Variants in FBRS observed in about 807,000 individuals in gnomAD.
The protein encoded by FBRS is probable fibrosin-1.
Under a neutral mutation model 86.1 loss-of-function variants are expected in FBRS, and 15 were observed. The observed-to-expected ratio is 0.17, with a 90% CI of 0.12 to 0.27. The LOEUF (loss-of-function observed/expected upper bound fraction) is 0.27. Ranked by LOEUF, FBRS falls within the 10% of genes least tolerant of loss-of-function variation. The pLI, the probability that FBRS is intolerant of heterozygous loss-of-function variation, is 1.00. For missense variants in FBRS, 1,367 were observed against 1,301.6 expected (o/e 1.05, Z -0.77); for synonymous variants, 666 against 575.8 (o/e 1.16, Z -2.24).
rs950949375 is a variant in FBRS, at chr16:30,662,626, G to A, written c.822G>A (p.Ser274=). The A allele has an allele frequency of 1.6e-5, 25 of 1,544,326 alleles. 1 individual carries two copies. In the Admixed American group the frequency reaches 1.8e-4, roughly 11 times the overall value. Residue 274 remains serine, a synonymous_variant, in exon 6 of 18, where the codon TCG becomes TCA. Transcript: ENST00000356166. ...AACTCTCCGTGGTCCCTAAAGTGTC[G>A]GGCCTGGAGCGGAGCCAAGAACAGC... ...EAKLSVVPKV[S]GLERSQEQPP...
rs369287343 is a variant in FBRS at position 30,664,287 on chromosome 16, C to G, written c.1128C>G (p.Ser376=). ...AQPPPSSSSS[S]SSSSSASSSS... ...CTCCCCCCTCATCATCCTCTTCGTC[C>G]TCCTCCTCCTCATCTGCCTCCTCCT... Residue 376 remains serine (S), a synonymous_variant, in exon 7 of 18, where the codon TCC becomes TCG. Coordinates refer to ENST00000356166, the MANE Select transcript of FBRS (RefSeq NM_001105079.3). The G allele has an allele frequency of 4.9e-5, 73 of 1,497,058 alleles. No individual in the cohort carries two copies. In the East Asian group the frequency reaches 6.5e-4, roughly 13 times the overall value. 92.7% of individuals were successfully genotyped at this position (1,497,058 alleles called of 1,614,324 possible).
In FBRS at chr16:30,659,600, G is replaced by T; in HGVS notation, c.82G>T (p.Asp28Tyr). The T allele has an allele frequency of 2.7e-6, 1 of 369,600 alleles. No homozygotes were observed. The highest frequency in any genetic ancestry group is 9.6e-5 in the South Asian group (1 of 10,440). The allele number at this position is 369,600 out of a possible 1,614,324, so 22.9% of individuals were successfully genotyped here. A position where few individuals can be genotyped will look rare whatever the true frequency, so the allele number is the denominator to read the frequency against. ...CCGACGGCGGCGCTGCTCGCGCCGA[G>T]ACCGAGACCGGGAGCAGCGGCGCCG... ...ERRRRRCSRR[D>Y]RDREQRRRRG... Residue 28 changes from aspartate to tyrosine, a missense_variant, in exon 1 of 18, where the codon GAC becomes TAC. Physicochemically the swap from Asp to Tyr is radical, Grantham distance 160. Coordinates refer to ENST00000356166, the MANE Select transcript of FBRS (RefSeq NM_001105079.3).
Position 30,668,801 on chromosome 16 carries a change from A to G in FBRS, c.2188A>G (p.Ser730Gly). The G allele has an allele frequency of 6.2e-7, 1 of 1,600,062 alleles. No homozygotes were observed. Among genetic ancestry groups the G allele is most frequent in the Non-Finnish European group, 8.5e-7 (1 of 1,178,560 alleles). ...CGGCGCCGTCTTTGCCCAGAAAGAA[A>G]GCCCAGGGGCCCCACCAGCCTTCGC... ...NSGAVFAQKE[S>G]PGAPPAFASP... Residue 730 changes from serine (S) to glycine (G), a missense_variant, in exon 17 of 18, where the codon AGC (serine) becomes GGC (glycine). Ser to Gly is a moderately conservative substitution (Grantham distance 56). Transcript: ENST00000356166.
At position 30,665,718 on chromosome 16, in the gene FBRS, A is replaced by AG. The variant is rs1176656941; in HGVS notation, c.1773+15dup. 3.8e-6 allele frequency: 6 copies of AG among 1,571,554 alleles called. No individual in the cohort carries two copies. Among genetic ancestry groups the AG allele is most frequent in the Non-Finnish European group, 5.2e-6 (6 of 1,158,100 alleles). On this transcript the variant is annotated intron_variant, in intron 11 of 17. Transcript: ENST00000356166. The surrounding 1 kb of genome is among the most constrained non-coding windows in gnomAD (Gnocchi z 4.1). The stretch of plus-strand genomic sequence containing the variant: ...AGAAGGGGACACAGGTGAGGGGGCC[A>AG]GGGCAGGTCCTGGGGGAGCTGGAAG...
At position 30,658,866 on chromosome 16, in the gene FBRS, G is replaced by T. The variant is rs2052417436; in HGVS notation, c.-653G>T. ...CAGACGCTGACAAATTGAGAACTGT[G>T]CCGTTGGGAGAACTGGGGCGAGTGG... is the stretch of plus-strand genomic sequence containing the variant. On this transcript the variant is annotated 5_prime_UTR_variant, in exon 1 of 18. Coordinates refer to ENST00000356166, the MANE Select transcript of FBRS (RefSeq NM_001105079.3). The T allele has an allele frequency of 6.6e-6, 1 of 152,240 alleles. No homozygotes were observed. Among genetic ancestry groups the T allele is most frequent in the Non-Finnish European group, 1.5e-5 (1 of 68,096 alleles). 9.4% of individuals were successfully genotyped at this position (152,240 alleles called of 1,614,324 possible). A position where few individuals can be genotyped will look rare whatever the true frequency, so the allele number is the denominator to read the frequency against.
intron 2 of FBRS, among the ~76,000 whole-genome samples, chr16:30,660,734 G>GTGGT (rs2151266014): frequency 6.6e-6 from 1 of 152,316 alleles, no homozygotes; most frequent in Admixed American, 6.5e-5. Flanking sequence ...CTTCCTCGAG[G>GTGGT]TGGTGGCAGT....
At chr16:30,666,463 C>G (rs767654760) in intron 11 of FBRS, 49 bp from the exon 12 acceptor site, 1 of 1,613,262 alleles carries the variant, frequency 6.2e-7, no homozygotes, top group Non-Finnish European at 8.5e-7. Context: ...GGCGCCTGGC[C>G]CAGGACTCGG....
In FBRS at chr16:30,659,495, G is replaced by A; in HGVS notation, c.-24G>A. 1 of 290,140 alleles carries A rather than the reference G, an allele frequency of 3.4e-6. No individual in the cohort carries two copies. The highest frequency in any genetic ancestry group is 2.2e-5 in the African/African-American group (1 of 44,924). 18.0% of individuals were successfully genotyped at this position (290,140 alleles called of 1,614,324 possible). A position where few individuals can be genotyped will look rare whatever the true frequency, so the allele number is the denominator to read the frequency against. The stretch of plus-strand genomic sequence containing the variant: ...GCCGCTTCGGGCCCCGCCGCCTCCG[G>A]ATGCGGCGCTGAGGGCGGTCGCCAT... On this transcript the variant is annotated 5_prime_UTR_variant, in exon 1 of 18. Transcript: ENST00000356166.
In FBRS at chr16:30,670,322, G is replaced by C. The variant is rs1299250770; in HGVS notation, c.*677G>C. 1 of 400,904 alleles carries C rather than the reference G, an allele frequency of 2.5e-6. No individual in the cohort carries two copies. Among genetic ancestry groups the C allele is most frequent in the Admixed American group, 3.0e-5 (1 of 33,768 alleles). 24.8% of individuals were successfully genotyped at this position (400,904 alleles called of 1,614,324 possible). Reference sequence around the variant, plus strand: ...GATGACCAACAGGGGGCAGGACCTGGGGACCTGGGCTGGAGGGAAGGGCAG... The same window carrying C: ...GATGACCAACAGGGGGCAGGACCTGCGGACCTGGGCTGGAGGGAAGGGCAG... On this transcript the variant is annotated 3_prime_UTR_variant, in exon 18 of 18. Transcript: ENST00000356166.
At position 30,664,918 on chromosome 16, in the gene FBRS, A is replaced by G. The variant is rs1169089093; in HGVS notation, c.1561A>G (p.Met521Val). The G allele has an allele frequency of 6.2e-7, 1 of 1,610,504 alleles. No homozygotes were observed. Among genetic ancestry groups the G allele is most frequent in the Non-Finnish European group, 8.5e-7 (1 of 1,178,224 alleles). ...PGLLPPHGPH[M>V]FEKYPGKMEG... ...CCTGCTGCCACCCCACGGCCCCCAC[A>G]TGGTGAGCTCCTCATTGGGCTGGCG... The change falls in exon 8 of 18, where the codon ATG becomes GTG. Residue 521 changes from methionine to valine, a missense_variant and splice_region_variant. Physicochemically the swap from Met to Val is conservative, Grantham distance 21. This residue lies in a region of FBRS where 659 missense variants were observed against 678.8 expected (regional missense o/e 0.97). Transcript: ENST00000356166.
rs150704991 is a variant in FBRS at position 30,662,139 on chromosome 16, C to T, written c.706-281C>T. On this transcript the variant is annotated intron_variant, in intron 4 of 17. Coordinates refer to ENST00000356166, the MANE Select transcript of FBRS (RefSeq NM_001105079.3). Reference sequence around the variant, plus strand: ...AGGCCTGTGGGCCAGCAGCTAGTGACCTCTGACGTTTTGGTTTGGTTTGCC... The same window carrying T: ...AGGCCTGTGGGCCAGCAGCTAGTGATCTCTGACGTTTTGGTTTGGTTTGCC... 3,873 of 440,560 alleles carry T rather than the reference C, an allele frequency of 8.8e-3. 29 individuals carry two copies. Among genetic ancestry groups the T allele is most frequent in the Non-Finnish European group, 0.012 (3,004 of 245,490 alleles). 27.3% of individuals were successfully genotyped at this position (440,560 alleles called of 1,614,324 possible).
Position 30,667,457 on chromosome 16 carries a change from T to G in FBRS, c.1993+20T>G. ...CGACTGGTGAGTCTGGCCAGCCCCC[T>G]CGGGCCTGAGGTTCCCTGTCTATAG... On this transcript the variant is annotated intron_variant, in intron 14 of 17. Coordinates refer to ENST00000356166, the MANE Select transcript of FBRS (RefSeq NM_001105079.3). 1 of 1,526,380 alleles carries G rather than the reference T, an allele frequency of 6.6e-7. No individual in the cohort carries two copies. The allele number at this position is 1,526,380 out of a possible 1,614,324, so 94.6% of individuals were successfully genotyped here. A position where few individuals can be genotyped will look rare whatever the true frequency, so the allele number is the denominator to read the frequency against.
At chr16:30,667,069 AG>A in intron 13 of FBRS, 79 bp downstream of exon 13, 1 of 1,390,108 alleles carries the variant, frequency 7.2e-7, no homozygotes, top group Non-Finnish European at 1.0e-6. Context: ...CCCTCAACAG[AG>A]CTCAGCAGAA....
chr16:30,663,715 A>G (rs1302241059), intron 6 of FBRS, among the ~76,000 whole-genome samples: 3 of 152,076 alleles, frequency 2.0e-5, no homozygotes, highest in African/African-American at 7.2e-5. Context: ...TTGATGCTCT[A>G]TTTTGTCACC....
At chr16:30,667,121 G>A in intron 13 of FBRS, 131 bp downstream of exon 13, 1 of 1,052,314 alleles carries the variant, frequency 9.5e-7, no homozygotes, top group Non-Finnish European at 1.4e-6. Context: ...CATCACTGCT[G>A]AACAGTTCTA....
At chr16:30,667,053 C>A in intron 13 of FBRS, 63 bp downstream of exon 13, 1 of 1,468,702 alleles carries the variant, frequency 6.8e-7, no homozygotes, top group East Asian at 2.4e-5. Context: ...GAGCTCTGGG[C>A]ATTGGCCCTC....
At position 30,665,464 on chromosome 16, in the gene FBRS, C is replaced by A. The variant is rs1357340638; in HGVS notation, c.1704+63C>A. 2 of 1,480,502 alleles carry A rather than the reference C, an allele frequency of 1.4e-6. No individual in the cohort carries two copies. The highest frequency in any genetic ancestry group is 1.2e-5 in the South Asian group (1 of 82,734). The allele number at this position is 1,480,502 out of a possible 1,614,324, so 91.7% of individuals were successfully genotyped here. On this transcript the variant is annotated intron_variant, in intron 10 of 17. Transcript: ENST00000356166. The surrounding 1 kb of genome is among the most constrained non-coding windows in gnomAD (Gnocchi z 4.1). ...CTTGACAAACCCAGACACGCCGGGT[C>A]CAAGCACCCTTCTCCCATTCCCCAA...
chr16:30,659,256 A>T lies in FBRS; in HGVS notation c.-263A>T. ...GCTGGACAACTTGGGGCCTCGCCTT[A>T]AAGGGACGGCCGCCCCGTTTTCGCC... is the stretch of plus-strand genomic sequence containing the variant. On this transcript the variant is annotated 5_prime_UTR_variant, in exon 1 of 18. Transcript: ENST00000356166. 1 of 166,114 alleles carries T rather than the reference A, an allele frequency of 6.0e-6. No individual in the cohort carries two copies. Among genetic ancestry groups the T allele is most frequent in the Non-Finnish European group, 1.3e-5 (1 of 77,448 alleles). The allele number at this position is 166,114 out of a possible 1,614,324, so 10.3% of individuals were successfully genotyped here.
intron 11 of FBRS, 28 bp from the exon 12 acceptor site, chr16:30,666,484 C>T (rs2052523354): frequency 1.2e-6 from 2 of 1,613,898 alleles, no homozygotes; most frequent in African/African-American, 2.7e-5. Flanking sequence ...GTCTGAGTCG[C>T]CTCCCATCTC....
Sources: allele counts gnomAD v4.1 joint callset (sites outside exome capture counted in the v4.1 genomes callset), GRCh38; gene constraint gnomAD v4.1.1; regional missense constraint gnomAD v4.1.1; non-coding constraint Gnocchi (gnomAD v3.1); transcripts MANE v1.5; gene names NCBI Gene and HGNC (gene_info 2026-07-23, HGNC 2026-07-21).